LARGE1: variants seen among roughly 807,000 people sequenced by gnomAD.
LARGE1 encodes LARGE xylosyl- and glucuronyltransferase 1, also known as xylosyl- and glucuronyltransferase LARGE1.
Under a neutral mutation model 87.6 loss-of-function variants are expected in LARGE1, and 43 were observed. The observed-to-expected ratio is 0.49, with a 90% CI of 0.38 to 0.63. The LOEUF is 0.63. Among genes scored for constraint, LARGE1 ranks in the 30% least tolerant of loss-of-function variants. The pLI is 0.00. For synonymous variants in LARGE1, 434 were observed against 394.6 expected, an observed-to-expected ratio of 1.10 and a Z score of -1.18; for missense variants, 802 against 1,000.2, an observed-to-expected ratio of 0.80 and a Z score of 2.67.
intron 6 of LARGE1, among the ~76,000 whole-genome samples, chr22:33,514,769 C>T (rs1021760443): frequency 2.6e-5 from 4 of 152,100 alleles, no homozygotes; most frequent in Non-Finnish European, 5.9e-5. Context: ...GAGACAATCA[C>T]GAGTTTCAGT....
At chr22:33,082,992 T>C in the LARGE1 span, among the ~76,000 whole-genome samples, 1 of 152,022 alleles carries the variant, frequency 6.6e-6, no homozygotes, top group African/African-American at 2.4e-5. Context: ...GCCACTGCAC[T>C]CCAGCCTGGG....
intron 6 of LARGE1, among the ~76,000 whole-genome samples, chr22:33,555,271 C>T (rs1486934034): frequency 6.6e-6 from 1 of 151,992 alleles, no homozygotes; most frequent in Non-Finnish European, 1.5e-5. Flanking sequence ...GTGGGAGGTC[C>T]CTAGAAAGAA....
intron 2 of LARGE1, among the ~76,000 whole-genome samples, chr22:33,745,911 G>T (rs1300828530): frequency 6.6e-6 from 1 of 152,120 alleles, no homozygotes; most frequent in East Asian, 1.9e-4. Flanking sequence ...AACTAACCAG[G>T]AGGGAGCGAC....
At position 33,381,978 on chromosome 22, in the gene LARGE1, C is replaced by T. The variant is rs1449323780; in HGVS notation, c.1072G>A (p.Val358Met). ...LVYQLPCFWNVQLSDHTRSEQ... is the reference protein window; with the variant it reads ...LVYQLPCFWNMQLSDHTRSEQ... The stretch of plus-strand genomic sequence containing the variant: ...GAGCGGGTGTGGTCTGACAGCTGCA[C>T]ATTCCAGAAGCAGGGGAGCTGGTAC... The change falls in exon 9 of 15, where the codon GTG (valine) becomes ATG (methionine). Residue 358 changes from valine (V) to methionine (M), a missense_variant. Val to Met is a conservative substitution (Grantham distance 21). Around this residue, in one of 2 missense-constraint regions of LARGE1, gnomAD observed 625 missense variants for 841.9 expected, o/e 0.74. Transcript: ENST00000397394. 3 of 1,614,116 alleles carry T rather than the reference C, an allele frequency of 1.9e-6. No individual in the cohort carries two copies. Among genetic ancestry groups the T allele is most frequent in the Non-Finnish European group, 2.5e-6 (3 of 1,180,016 alleles).
At chr22:33,238,727 T>C (rs1485689571) in intron 11 of LARGE1, among the ~76,000 whole-genome samples, 3 of 152,224 alleles carry the variant, frequency 2.0e-5, no homozygotes, top group African/African-American at 4.8e-5. Context: ...TTATCATTCA[T>C]AGTTTGAAGG....
At chr22:33,459,607 C>G (rs1176075901) in intron 6 of LARGE1, among the ~76,000 whole-genome samples, 1 of 152,072 alleles carries the variant, frequency 6.6e-6, no homozygotes, top group Non-Finnish European at 1.5e-5. Flanking sequence ...ATTCATACCC[C>G]CAATAGCACC....
At chr22:33,395,226 CAAA>C (rs3071528) in intron 7 of LARGE1, among the ~76,000 whole-genome samples, 60 of 61,624 alleles carry the variant, frequency 9.7e-4, no homozygotes, top group African/African-American at 3.2e-3. Flanking sequence ...GACTCTGCCT[CAAA>C]AAAAAAAAAA....
At chr22:33,452,023 C>T (rs1657461414) in intron 6 of LARGE1, among the ~76,000 whole-genome samples, 1 of 152,208 alleles carries the variant, frequency 6.6e-6, no homozygotes, top group South Asian at 2.1e-4. Flanking sequence ...GCATTCCAAC[C>T]CGAATCTGCT....
intron 6 of LARGE1, among the ~76,000 whole-genome samples, chr22:33,542,234 T>C (rs1345834906): frequency 6.6e-6 from 1 of 151,122 alleles, no homozygotes; most frequent in Non-Finnish European, 1.5e-5. Flanking sequence ...TCTCCAGAGA[T>C]ATAGACTACA....
intron 3 of LARGE1, among the ~76,000 whole-genome samples, chr22:33,632,559 A>T (rs930647057): frequency 0.083 from 1 of 12 alleles, no homozygotes; most frequent in African/African-American, 0.25. Context: ...CCAATCACAC[A>T]AGTTCCAGTC....
chr22:33,292,562 C>T lies in LARGE1; in HGVS notation c.1731-9214G>A, dbSNP rs568372428. Among the ~76,000 whole-genome samples the T allele has an allele frequency of 5.3e-5, 8 of 152,032 alleles. No individual in the cohort carries two copies. The East Asian group carries it at 7.8e-4, about 15-fold the overall frequency. On this transcript the variant is annotated intron_variant, in intron 12 of 14. Transcript: ENST00000397394. ...ATGCCAGGCTTACATGTCGAGGAGA[C>T]AAAAGGGAGAGGGGAGAGCAGGGGA...
intron 1 of LARGE1, among the ~76,000 whole-genome samples, chr22:33,762,520 C>T (rs1297386010): frequency 2.0e-5 from 3 of 152,172 alleles, no homozygotes; most frequent in African/African-American, 7.2e-5. Context: ...CTAGTCACAA[C>T]TGAAAGCCTA....
chr22:33,191,335 A>G (rs5998795), intron 11 of LARGE1, among the ~76,000 whole-genome samples: 4,839 of 152,318 alleles, frequency 0.032, 269 homozygotes, highest in African/African-American at 0.11. Context: ...AACCATTGAC[A>G]GAGACAGTAA....
intron 1 of LARGE1, among the ~76,000 whole-genome samples, chr22:33,876,392 G>A (rs1018396299): frequency 3.3e-5 from 5 of 152,080 alleles, no homozygotes; most frequent in African/African-American, 9.7e-5. Context: ...AGGTGCACTC[G>A]GGTCACTGGT....
chr22:33,763,792 C>T (rs1373206794), intron 1 of LARGE1, among the ~76,000 whole-genome samples: 3 of 148,028 alleles, frequency 2.0e-5, no homozygotes, highest in Non-Finnish European at 4.5e-5. Flanking sequence ...ATTTCAGGGG[C>T]AATCCTTCCT....
chr22:33,716,815 T>C (rs763499917), intron 2 of LARGE1, among the ~76,000 whole-genome samples: 1 of 152,174 alleles, frequency 6.6e-6, no homozygotes, highest in Non-Finnish European at 1.5e-5. Flanking sequence ...TGGATAAATT[T>C]TACTGTTGGC....
intron 11 of LARGE1, among the ~76,000 whole-genome samples, chr22:33,218,127 A>C (rs1925294961): frequency 6.6e-6 from 1 of 151,870 alleles, no homozygotes; most frequent in Non-Finnish European, 1.5e-5. Flanking sequence ...GTGGGATTTC[A>C]TCATGTTGGC....
At chr22:33,730,003 T>C (rs565921126) in intron 2 of LARGE1, among the ~76,000 whole-genome samples, 1 of 152,162 alleles carries the variant, frequency 6.6e-6, no homozygotes, top group Admixed American at 6.5e-5. Flanking sequence ...TGTGCGTGCA[T>C]GCGTGCGTGT....
chr22:33,594,896 C>T (rs1419924011), intron 5 of LARGE1, among the ~76,000 whole-genome samples: 1 of 152,186 alleles, frequency 6.6e-6, no homozygotes, highest in Non-Finnish European at 1.5e-5. Context: ...CTTGAGCCAC[C>T]ATACCCCGCT....
Sources: gnomAD v4.1 joint callset for allele counts (sites outside exome capture counted in the v4.1 genomes callset) on GRCh38, gnomAD v4.1.1 for gene constraint, gnomAD v4.1.1 regional missense constraint, MANE v1.5 for transcripts, NCBI Gene and HGNC (gene_info 2026-07-23, HGNC 2026-07-21) for gene names.